The following CCSER1 variants were observed in gnomAD, a reference collection of about 807,000 sequenced individuals.
CCSER1 encodes serine-rich coiled-coil domain-containing protein 1.
A neutral mutation model predicts 82.0 loss-of-function variants in CCSER1; 41 were observed. The observed-to-expected ratio is 0.50, with a 90% CI of 0.39 to 0.65. The LOEUF (loss-of-function observed/expected upper bound fraction) is 0.65, where lower values mean the gene tolerates loss of function less well. CCSER1 is among the 30% of genes least tolerant of loss of function. The pLI is 0.00. For synonymous variants in CCSER1, 414 were observed against 383.9 expected (o/e 1.08, Z -0.92); for missense variants, 1,119 against 1,064.2 (o/e 1.05, Z -0.72).
chr4:90,170,812 G>A (rs1731518469), intron 1 of CCSER1, among the ~76,000 whole-genome samples: 1 of 151,770 alleles, frequency 6.6e-6, no homozygotes, highest in East Asian at 1.9e-4. Context: ...ATTGTGAATA[G>A]TACTGCAATA....
chr4:90,907,198 G>T (rs979336993), intron 8 of CCSER1, among the ~76,000 whole-genome samples: 1 of 152,078 alleles, frequency 6.6e-6, no homozygotes, highest in Non-Finnish European at 1.5e-5. Flanking sequence ...GACAGATCAT[G>T]TCAATAAGAA....
intron 1 of CCSER1, among the ~76,000 whole-genome samples, chr4:90,265,340 A>T (rs1725050122): frequency 6.6e-6 from 1 of 151,846 alleles, no homozygotes; most frequent in South Asian, 2.1e-4. Flanking sequence ...GTATTTATAT[A>T]AATGTATATC....
At chr4:90,315,598 G>A (rs540502022) in intron 3 of CCSER1, among the ~76,000 whole-genome samples, 15 of 151,922 alleles carry the variant, frequency 9.9e-5, no homozygotes, top group African/African-American at 3.6e-4. Flanking sequence ...TCCCCTCCCC[G>A]GTTCAAGTGA....
At chr4:90,832,883 G>C (rs1039211079) in intron 8 of CCSER1, among the ~76,000 whole-genome samples, 2 of 152,138 alleles carry the variant, frequency 1.3e-5, no homozygotes, top group African/African-American at 4.8e-5. Context: ...TATTTTCTAT[G>C]TATAAATGGG....
At chr4:91,162,632 T>C (rs1731547340) in intron 10 of CCSER1, among the ~76,000 whole-genome samples, 1 of 152,188 alleles carries the variant, frequency 6.6e-6, no homozygotes, top group South Asian at 2.1e-4. Context: ...TATTCAGATA[T>C]TCAACTTCTT....
intron 9 of CCSER1, among the ~76,000 whole-genome samples, chr4:91,002,033 A>T (rs1378045700): frequency 6.6e-6 from 1 of 152,176 alleles, no homozygotes; most frequent in Non-Finnish European, 1.5e-5. Flanking sequence ...GCTGGATCCA[A>T]AATTCGTGCC....
intron 4 of CCSER1, among the ~76,000 whole-genome samples, chr4:90,414,039 A>C (rs1755429359): frequency 1.4e-5 from 2 of 141,050 alleles, no homozygotes; most frequent in Non-Finnish European, 1.5e-5. Flanking sequence ...CAGTAGTACA[A>C]ATAATGATAG....
chr4:90,885,413 T>A (rs763904186), intron 8 of CCSER1, among the ~76,000 whole-genome samples: 1 of 152,210 alleles, frequency 6.6e-6, no homozygotes, highest in Non-Finnish European at 1.5e-5. Flanking sequence ...GAATTTACAA[T>A]TTATGATACA....
At chr4:91,423,715 C>T (rs1249996624) in intron 10 of CCSER1, among the ~76,000 whole-genome samples, 1 of 152,020 alleles carries the variant, frequency 6.6e-6, no homozygotes. Flanking sequence ...ACTAGCATCT[C>T]CTAATATAAA....
chr4:91,588,033 T>C (rs1003050561), intron 10 of CCSER1, among the ~76,000 whole-genome samples: 1 of 151,562 alleles, frequency 6.6e-6, no homozygotes, highest in African/African-American at 2.4e-5. Flanking sequence ...TAATTGACAA[T>C]TATTTTAGAT....
chr4:90,423,667 G>C (rs563320441), intron 4 of CCSER1, among the ~76,000 whole-genome samples: 4 of 152,100 alleles, frequency 2.6e-5, no homozygotes, highest in Non-Finnish European at 2.9e-5. Context: ...AGTAGAGACG[G>C]GATTTTACCA....
At chr4:90,246,863 GT>G (rs985556746) in intron 1 of CCSER1, among the ~76,000 whole-genome samples, 1 of 151,012 alleles carries the variant, frequency 6.6e-6, no homozygotes, top group African/African-American at 2.4e-5. Flanking sequence ...TCACTATAGG[GT>G]TTTTTTTTCT....
At chr4:91,257,059 A>T (rs751004211) in intron 10 of CCSER1, among the ~76,000 whole-genome samples, 1 of 152,058 alleles carries the variant, frequency 6.6e-6, no homozygotes, top group Non-Finnish European at 1.5e-5. Context: ...ATCTTGTTTC[A>T]CTCTTTCTAA....
At chr4:91,181,126 C>T (rs1349327802) in intron 10 of CCSER1, among the ~76,000 whole-genome samples, 2 of 152,206 alleles carry the variant, frequency 1.3e-5, no homozygotes, top group African/African-American at 4.8e-5. Context: ...TACAGTGCTG[C>T]AGAGATTTTG....
At chr4:90,573,309 G>A (rs1345972385) in intron 5 of CCSER1, among the ~76,000 whole-genome samples, 2 of 152,242 alleles carry the variant, frequency 1.3e-5, no homozygotes, top group Non-Finnish European at 2.9e-5. Flanking sequence ...GCTTGGTTCA[G>A]TTGCAGCTGG....
At chr4:90,766,824 G>C (rs1045638492) in intron 7 of CCSER1, among the ~76,000 whole-genome samples, 3 of 151,848 alleles carry the variant, frequency 2.0e-5, no homozygotes, top group African/African-American at 4.8e-5. Context: ...TACAGAAGTA[G>C]GGACACTGTA....
At chr4:91,433,410 A>G (rs1332829499) in intron 10 of CCSER1, among the ~76,000 whole-genome samples, 2 of 152,196 alleles carry the variant, frequency 1.3e-5, no homozygotes, top group South Asian at 2.1e-4. Flanking sequence ...GTAATTTCCT[A>G]GGCCTTCACC....
At chr4:91,061,800 C>T (rs1743978591) in intron 9 of CCSER1, among the ~76,000 whole-genome samples, 1 of 151,842 alleles carries the variant, frequency 6.6e-6, no homozygotes, top group African/African-American at 2.4e-5. Flanking sequence ...GAGGCTTTGC[C>T]TATTTTGTTC....
At chr4:90,754,234 A>G (rs1199987296) in intron 7 of CCSER1, among the ~76,000 whole-genome samples, 5 of 152,220 alleles carry the variant, frequency 3.3e-5, no homozygotes, top group Admixed American at 6.6e-5. Flanking sequence ...TAGCTCATGC[A>G]GCAATGACTG....
Sources: allele counts gnomAD v4.1 joint callset (sites outside exome capture counted in the v4.1 genomes callset), GRCh38; gene constraint gnomAD v4.1.1; transcripts MANE v1.5; gene names NCBI Gene and HGNC (gene_info 2026-07-23, HGNC 2026-07-21).